CAPZB: variants seen among roughly 807,000 people sequenced by gnomAD.
CAPZB encodes the protein F-actin-capping protein subunit beta.
In CAPZB, 2 loss-of-function variants were observed where a neutral mutation model predicts 38.1. That is an observed-to-expected ratio of 0.05 (90% CI 0.02 to 0.17). CAPZB has a LOEUF of 0.17. CAPZB is among the 10% of genes least tolerant of loss of function. The probability of loss-of-function intolerance (pLI) is 1.00; values close to 1 mark genes in which losing one functional copy is unlikely to be tolerated. For synonymous variants in CAPZB, 107 were observed against 127.4 expected, an observed-to-expected ratio of 0.84 and a Z score of 1.08; for missense variants, 161 against 334.2, an observed-to-expected ratio of 0.48 and a Z score of 4.04.
intron 1 of CAPZB, among the ~76,000 whole-genome samples, chr1:19,441,387 C>T (rs926740625): frequency 2.0e-5 from 3 of 152,144 alleles, no homozygotes; most frequent in African/African-American, 7.2e-5. Flanking sequence ...ATCTGGGACT[C>T]GGCTTTGTTG....
chr1:19,393,424 G>GGTAT lies in CAPZB; in HGVS notation c.94-7802_94-7799dup, dbSNP rs1440855113. On this transcript the variant is annotated intron_variant, in intron 2 of 8. Transcript: ENST00000264202. ...TTAGGATAATAGCCACGTGAGCTAG[G>GGTAT]GTATGGCGCACCTATTCGGAGGCAG... Among the ~76,000 whole-genome samples, 3 of 152,308 alleles carry GGTAT rather than the reference G, an allele frequency of 2.0e-5. No individual in the cohort carries two copies. The East Asian group carries it at 5.8e-4, about 29-fold the overall frequency.
At chr1:19,372,408 T>C (rs528849855) in intron 4 of CAPZB, among the ~76,000 whole-genome samples, 29 of 152,314 alleles carry the variant, frequency 1.9e-4, no homozygotes, top group Admixed American at 1.8e-3. Context: ...GAACATCTGG[T>C]CCCAGGCAGA....
intron 1 of CAPZB, among the ~76,000 whole-genome samples, chr1:19,472,650 T>C (rs970022429): frequency 6.6e-6 from 1 of 151,700 alleles, no homozygotes; most frequent in African/African-American, 2.4e-5. Flanking sequence ...GTAGTTACTA[T>C]GTAGAGAATG....
rs530070160 is a variant in CAPZB, at chr1:19,374,979, C to T, written c.329+3561G>A. Among the ~76,000 whole-genome samples, 9 of 152,150 alleles carry T rather than the reference C, an allele frequency of 5.9e-5. No individual in the cohort carries two copies. The South Asian group carries it at 6.2e-4, about 11-fold the overall frequency. ...TGGAACAGCCTGGTCCCTAGAAAAC[C>T]GAGTGTGACCCTGGCCAATGCCCCT... is the stretch of plus-strand genomic sequence containing the variant. On this transcript the variant is annotated intron_variant, in intron 4 of 8. Coordinates refer to ENST00000264202, the MANE Select transcript of CAPZB (RefSeq NM_004930.5).
intron 1 of CAPZB, among the ~76,000 whole-genome samples, chr1:19,468,507 G>A (rs1390634545): frequency 6.6e-6 from 1 of 152,164 alleles, no homozygotes; most frequent in Non-Finnish European, 1.5e-5. Context: ...GTTGGGGGTG[G>A]AGTCGTGAAA....
chr1:19,364,298 GCCT>G (rs1368265611), intron 4 of CAPZB, among the ~76,000 whole-genome samples: 1 of 152,200 alleles, frequency 6.6e-6, no homozygotes, highest in Non-Finnish European at 1.5e-5. Context: ...TTGCATCAGG[GCCT>G]GTATGAGGCA....
chr1:19,371,422 T>C (rs1057469752), intron 4 of CAPZB, among the ~76,000 whole-genome samples: 1 of 152,144 alleles, frequency 6.6e-6, no homozygotes, highest in Non-Finnish European at 1.5e-5. Context: ...ACGCAAGGCG[T>C]GAGTGCAGCA....
At chr1:19,428,115 T>C (rs2094429754) in intron 1 of CAPZB, among the ~76,000 whole-genome samples, 2 of 152,160 alleles carry the variant, frequency 1.3e-5, no homozygotes, top group African/African-American at 4.8e-5. Flanking sequence ...AATGTAACCA[T>C]TTTAGGGCTG....
At chr1:19,390,463 T>C (rs904081648) in intron 2 of CAPZB, among the ~76,000 whole-genome samples, 1 of 152,144 alleles carries the variant, frequency 6.6e-6, no homozygotes, top group African/African-American at 2.4e-5. Flanking sequence ...GTCAGACCAA[T>C]CCAGGCTGTT....
chr1:19,370,485 T>G (rs1009694387), intron 4 of CAPZB, among the ~76,000 whole-genome samples: 2 of 152,158 alleles, frequency 1.3e-5, no homozygotes, highest in East Asian at 3.9e-4. Flanking sequence ...CCCCCAGGGA[T>G]GGGCTTGACG....
intron 4 of CAPZB, among the ~76,000 whole-genome samples, chr1:19,359,208 CTCT>C (rs2094038764): frequency 1.1e-5 from 1 of 94,488 alleles, no homozygotes; most frequent in East Asian, 3.1e-4. Context: ...ATTCTCTGTA[CTCT>C]TTTTTTTTTT....
chr1:19,362,673 A>C (rs71645445), intron 4 of CAPZB, among the ~76,000 whole-genome samples: 1 of 152,108 alleles, frequency 6.6e-6, no homozygotes, highest in African/African-American at 2.4e-5. Flanking sequence ...GAAAAAAAAA[A>C]CCGTGGAGGC....
At chr1:19,456,466 G>T (rs1261430119) in intron 1 of CAPZB, among the ~76,000 whole-genome samples, 2 of 152,084 alleles carry the variant, frequency 1.3e-5, no homozygotes, top group Non-Finnish European at 1.5e-5. Flanking sequence ...TATACAACAG[G>T]ACCATCTTTC....
intron 2 of CAPZB, among the ~76,000 whole-genome samples, chr1:19,405,541 C>CAA (rs10577923): frequency 0.042 from 4,048 of 96,176 alleles, 232 homozygotes; most frequent in African/African-American, 0.1. Context: ...TAGAAAGAGG[C>CAA]AAAAAAAAAA....
chr1:19,458,071 C>A, intron 1 of CAPZB, among the ~76,000 whole-genome samples: 1 of 140,902 alleles, frequency 7.1e-6, no homozygotes, highest in Non-Finnish European at 1.5e-5. Flanking sequence ...TCAAAAACCT[C>A]ATGTATATAA....
At chr1:19,362,618 C>T (rs887790140) in intron 4 of CAPZB, among the ~76,000 whole-genome samples, 1 of 151,924 alleles carries the variant, frequency 6.6e-6, no homozygotes, top group African/African-American at 2.4e-5. Flanking sequence ...ACTGCTTGAG[C>T]CCAGGAGTTC....
In CAPZB at chr1:19,363,768, G is replaced by A. The variant is rs3790770; in HGVS notation, c.330-6205C>T. Among the ~76,000 whole-genome samples the A allele has an allele frequency of 3.6e-3, 547 of 152,260 alleles. 1 individual carries two copies. The highest frequency in any genetic ancestry group is 5.9e-3 in the Non-Finnish European group (404 of 68,012). On this transcript the variant is annotated intron_variant, in intron 4 of 8. Transcript: ENST00000264202. ...GGGCTGCAAATCTAACAGGGAAAACGGGAGGGGAAGAAGGGGCTTTGAAGC... is the reference window on the plus strand; with the variant it reads ...GGGCTGCAAATCTAACAGGGAAAACAGGAGGGGAAGAAGGGGCTTTGAAGC...
chr1:19,411,708 C>A (rs1331731471), intron 2 of CAPZB, among the ~76,000 whole-genome samples: 1 of 152,186 alleles, frequency 6.6e-6, no homozygotes, highest in African/African-American at 2.4e-5. Context: ...CTGCATGTAA[C>A]AGAACTCATC....
chr1:19,464,060 A>C (rs956312374), intron 1 of CAPZB, among the ~76,000 whole-genome samples: 2 of 150,704 alleles, frequency 1.3e-5, no homozygotes, highest in Admixed American at 6.6e-5. Context: ...GGTGGTGCAC[A>C]CCTGTAATCT....
Sources: allele counts gnomAD v4.1 joint callset (sites outside exome capture counted in the v4.1 genomes callset), GRCh38; gene constraint gnomAD v4.1.1; transcripts MANE v1.5; gene names NCBI Gene and HGNC (gene_info 2026-07-23, HGNC 2026-07-21).